IRAG2: variants seen among roughly 807,000 people sequenced by gnomAD.
The protein encoded by IRAG2 is lymphoid restricted membrane protein.
IRAG2 carries 45 observed loss-of-function variants against 69.9 expected under a neutral mutation model. The observed-to-expected ratio is 0.64, with a 90% CI of 0.51 to 0.83. IRAG2 has a LOEUF of 0.83. Among genes scored for constraint, IRAG2 ranks in the 40% least tolerant of loss-of-function variants. The pLI is 0.00. For synonymous variants in IRAG2, 193 were observed against 202.4 expected, an observed-to-expected ratio of 0.95 and a Z score of 0.40; for missense variants, 520 against 587.0, an observed-to-expected ratio of 0.89 and a Z score of 1.18.
chr12:25,019,067 G>A (rs1193972508), intron 6 of IRAG2, among the ~76,000 whole-genome samples: 1 of 152,216 alleles, frequency 6.6e-6, no homozygotes, highest in Non-Finnish European at 1.5e-5. Flanking sequence ...ACCCCTTGCA[G>A]GAGGGGGAGC....
At chr12:25,002,643 TC>T (rs200169358), upstream of IRAG2, among the ~76,000 whole-genome samples, 695 of 148,094 alleles carry the variant, frequency 4.7e-3, 18 homozygotes, top group East Asian at 0.085. Context: ...TTCTTCTTCT[TC>T]TTTTCTTTTT....
chr12:25,106,983 G>T lies in IRAG2; in HGVS notation c.1189G>T (p.Glu397Ter). 6.2e-7 allele frequency: 1 copy of T among 1,607,568 alleles called. No individual in the cohort carries two copies. The highest frequency in any genetic ancestry group is 8.5e-7 in the Non-Finnish European group (1 of 1,176,154). The change falls in exon 21 of 22, where the codon GAA becomes TAA. Residue 397 changes from glutamate to a stop codon, truncating the protein, a stop_gained. Transcript: ENST00000556887. LOFTEE classifies it high-confidence loss of function. Reference protein sequence around the residue: ...DSEPSGEETVERTRKPSLSEK... With the variant: ...DSEPSGEETV ...AGAGCCATCTGGAGAAGAAACAGTA[G>T]AAAGGACAAGGAAGCCAAGTCTTTC... is the stretch of plus-strand genomic sequence containing the variant.
At chr12:25,095,462 G>T (rs879629741) in intron 14 of IRAG2, among the ~76,000 whole-genome samples, 14 of 152,048 alleles carry the variant, frequency 9.2e-5, no homozygotes, top group Admixed American at 9.2e-4. Flanking sequence ...GTTTTCATAT[G>T]TTAAACCACC....
chr12:25,092,564 CAAAAAAAAAA>C (rs55719913), intron 14 of IRAG2, among the ~76,000 whole-genome samples: 1 of 101,762 alleles, frequency 9.8e-6, no homozygotes, highest in Non-Finnish European at 1.9e-5. Context: ...GACTCTATCT[CAAAAAAAAAA>C]AAAAAAAAAA....
At position 25,067,933 on chromosome 12, in the gene IRAG2, C is replaced by T. The variant is rs532023287; in HGVS notation, c.-58-1417C>T. On this transcript the variant is annotated intron_variant, in intron 5 of 21. Coordinates refer to ENST00000556887, the MANE Select transcript of IRAG2 (RefSeq NM_001366544.2). Reference sequence around the variant, plus strand: ...TCGGCTCACTGCAACCTCTGCCTCCCGGGTTCAAGCAATCCTCCTGCCTCA... The same window carrying T: ...TCGGCTCACTGCAACCTCTGCCTCCTGGGTTCAAGCAATCCTCCTGCCTCA... Among the ~76,000 whole-genome samples, 35 of 152,224 alleles carry T rather than the reference C, an allele frequency of 2.3e-4. No homozygotes were observed. The South Asian group carries it at 6.2e-3, about 27-fold the overall frequency.
At chr12:25,085,305 T>C (rs958898363) in intron 10 of IRAG2, among the ~76,000 whole-genome samples, 3 of 152,140 alleles carry the variant, frequency 2.0e-5, no homozygotes, top group African/African-American at 4.8e-5. Flanking sequence ...CTCAGTAAGA[T>C]GGATGCGGAG....
chr12:25,032,710 G>C (rs1944677288), intron 12 of IRAG2, among the ~76,000 whole-genome samples: 1 of 152,132 alleles, frequency 6.6e-6, no homozygotes, highest in African/African-American at 2.4e-5. Context: ...ACTTATCCTT[G>C]TACAAGCATG....
chr12:25,054,758 G>A (rs960729964), intron 1 of IRAG2, among the ~76,000 whole-genome samples: 2 of 152,234 alleles, frequency 1.3e-5, no homozygotes, highest in East Asian at 3.9e-4. Context: ...ATACAAATCA[G>A]GATTTTGCTT....
chr12:25,083,384 GC>G lies in IRAG2; in HGVS notation c.245-33del, dbSNP rs539855586. The stretch of plus-strand genomic sequence containing the variant: ...GTTTCCTCCTCTTTTACTTGCTCCT[GC>G]CCCCCTAACTGCTTTGTGTGTTTCC... On this transcript the variant is annotated intron_variant, in intron 9 of 21. Transcript: ENST00000556887. 512 of 1,320,984 alleles carry G rather than the reference GC, an allele frequency of 3.9e-4. 4 individuals carry two copies. In the South Asian group the frequency reaches 5.7e-3, roughly 15 times the overall value. The allele number at this position is 1,320,984 out of a possible 1,614,324, so 81.8% of individuals were successfully genotyped here.
chr12:25,088,076 A>C (rs1947766183), intron 10 of IRAG2, 24 bp from the exon 11 acceptor site: 2 of 1,541,470 alleles, frequency 1.3e-6, no homozygotes, highest in East Asian at 4.5e-5. Context: ...CTCTATGTAC[A>C]GTGGTAAAAT....
At position 25,107,891 on chromosome 12, in the gene IRAG2, C is replaced by A; in HGVS notation, c.1331C>A (p.Ser444Tyr). 1 of 1,614,194 alleles carries A rather than the reference C, an allele frequency of 6.2e-7. No homozygotes were observed. Among genetic ancestry groups the A allele is most frequent in the South Asian group, 1.1e-5 (1 of 91,086 alleles). ...IRKANKALWL[S>Y]IAFIVLFAAL... ...AAGGCTAATAAGGCCCTCTGGCTCT[C>A]TATTGCATTCATTGTACTGTTTGCA... Residue 444 changes from serine to tyrosine, a missense_variant, in exon 22 of 22, where the codon TCT becomes TAT. Ser to Tyr is a moderately radical substitution (Grantham distance 144, BLOSUM62 -2). Transcript: ENST00000556887.
chr12:25,037,057 T>C (rs1413711589), intron 15 of IRAG2, among the ~76,000 whole-genome samples: 2 of 152,236 alleles, frequency 1.3e-5, no homozygotes, highest in Non-Finnish European at 1.5e-5. Flanking sequence ...TCCTGAGACT[T>C]TGACGGTTTT....
At chr12:25,074,908 A>AT (rs1946579269) in intron 6 of IRAG2, among the ~76,000 whole-genome samples, 2 of 152,170 alleles carry the variant, frequency 1.3e-5, no homozygotes, top group African/African-American at 4.8e-5. Flanking sequence ...ATCTCAGAAG[A>AT]TTTTCTGGCT....
At chr12:25,084,540 G>GGTGTGTGT (rs34550767) in intron 10 of IRAG2, among the ~76,000 whole-genome samples, 32 of 147,334 alleles carry the variant, frequency 2.2e-4, no homozygotes, top group African/African-American at 4.5e-4. Context: ...TGCATGGAGG[G>GGTGTGTGT]GTGTGTGTGT....
intron 16 of IRAG2, among the ~76,000 whole-genome samples, chr12:25,041,924 T>C (rs1944753615): frequency 6.6e-6 from 1 of 151,422 alleles, no homozygotes; most frequent in Admixed American, 6.6e-5. Context: ...ATAGTAAGAA[T>C]AAGCAGTGCT....
At chr12:25,034,182 C>G (rs372086576) in intron 13 of IRAG2, among the ~76,000 whole-genome samples, 48 of 152,332 alleles carry the variant, frequency 3.2e-4, no homozygotes, top group African/African-American at 1.0e-3. Context: ...CATTCAGGGA[C>G]TTTGGGACTT....
At chr12:25,101,137 A>G in intron 15 of IRAG2, 41 bp from the exon 16 acceptor site, 1 of 1,545,424 alleles carries the variant, frequency 6.5e-7, no homozygotes, top group South Asian at 1.2e-5. Context: ...AATTGAGAGT[A>G]GTATTTTCAA....
intron 10 of IRAG2, among the ~76,000 whole-genome samples, chr12:25,031,931 G>A (rs1483234777): frequency 6.6e-6 from 1 of 152,094 alleles, no homozygotes; most frequent in African/African-American, 2.4e-5. Flanking sequence ...CAAAGTGTTG[G>A]GATTACAGTC....
In IRAG2 at chr12:25,063,812, G is replaced by A; in HGVS notation, c.-211G>A. The stretch of plus-strand genomic sequence containing the variant: ...AACATACGTGCTGGTACACACCTCT[G>A]CTGGGTAAGCCCCCCTTCTATACCT... On this transcript the variant is annotated 5_prime_UTR_variant, in exon 4 of 22. Transcript: ENST00000556887. The A allele has an allele frequency of 2.5e-6, 1 of 399,042 alleles. No homozygotes were observed. Among genetic ancestry groups the A allele is most frequent in the Non-Finnish European group, 4.4e-6 (1 of 226,058 alleles). 24.7% of individuals were successfully genotyped at this position (399,042 alleles called of 1,614,324 possible). A position where few individuals can be genotyped will look rare whatever the true frequency, so the allele number is the denominator to read the frequency against.
Sources: gnomAD v4.1 joint callset for allele counts (sites outside exome capture counted in the v4.1 genomes callset) on GRCh38, gnomAD v4.1.1 for gene constraint, MANE v1.5 for transcripts, NCBI Gene and HGNC (gene_info 2026-07-23, HGNC 2026-07-21) for gene names.